The following UNC5C variants were observed in gnomAD, a reference collection of about 807,000 sequenced individuals.
The protein encoded by UNC5C is netrin receptor UNC5C.
In UNC5C, 47 loss-of-function variants were observed where a neutral mutation model predicts 99.8. The ratio of observed to expected loss-of-function variants is 0.47; its 90% CI spans 0.37 to 0.60. The LOEUF is 0.60. Ranked by LOEUF, UNC5C falls within the 20% of genes least tolerant of loss-of-function variation. UNC5C has a pLI of 0.00. For missense variants in UNC5C, 1,062 were observed against 1,165.9 expected, an observed-to-expected ratio of 0.91 and a Z score of 1.30; for synonymous variants, 487 against 452.2, an observed-to-expected ratio of 1.08 and a Z score of -0.98.
At chr4:95,233,497 T>C (rs1231544049) in intron 7 of UNC5C, among the ~76,000 whole-genome samples, 2 of 151,164 alleles carry the variant, frequency 1.3e-5, no homozygotes, top group African/African-American at 4.9e-5. Context: ...TTGATAAATA[T>C]ATATATAAAT....
intron 5 of UNC5C, 104 bp downstream of exon 5, chr4:95,250,383 T>C (rs1739653155): frequency 7.9e-7 from 1 of 1,262,360 alleles, no homozygotes; most frequent in African/African-American, 1.5e-5. Flanking sequence ...AGACCCTGTC[T>C]CAAATAATAT....
intron 1 of UNC5C, among the ~76,000 whole-genome samples, chr4:95,349,626 T>C (rs1743912292): frequency 6.6e-6 from 1 of 151,856 alleles, no homozygotes; most frequent in African/African-American, 2.4e-5. Flanking sequence ...TGCAACCTAT[T>C]ACTTCAGCTT....
At chr4:95,521,224 C>CTTT in intron 1 of UNC5C, among the ~76,000 whole-genome samples, 1 of 27,134 alleles carries the variant, frequency 3.7e-5, no homozygotes, top group Non-Finnish European at 7.1e-5. Context: ...TTTCTTTTTT[C>CTTT]TTTTTTTTTT....
At chr4:95,310,215 T>A (rs1742226841) in intron 2 of UNC5C, among the ~76,000 whole-genome samples, 2 of 152,044 alleles carry the variant, frequency 1.3e-5, no homozygotes. Context: ...ATGATCACAC[T>A]TATATGTGGA....
intron 1 of UNC5C, among the ~76,000 whole-genome samples, chr4:95,390,316 C>T (rs1207882655): frequency 1.3e-5 from 2 of 151,526 alleles, no homozygotes; most frequent in South Asian, 4.2e-4. Flanking sequence ...AGGCACATTC[C>T]CCAGAAGTTC....
chr4:95,176,911 C>A (rs1048692776), intron 14 of UNC5C, among the ~76,000 whole-genome samples: 6 of 152,058 alleles, frequency 3.9e-5, no homozygotes, highest in Non-Finnish European at 8.8e-5. Flanking sequence ...GGGCGTAGGA[C>A]CCTCCGAGCC....
At chr4:95,204,482 G>T (rs779835520) in intron 11 of UNC5C, among the ~76,000 whole-genome samples, 4 of 152,244 alleles carry the variant, frequency 2.6e-5, no homozygotes, top group Non-Finnish European at 5.9e-5. Context: ...CTGGGCTTCG[G>T]CCTACGGTTG....
intron 1 of UNC5C, among the ~76,000 whole-genome samples, chr4:95,459,460 A>G (rs541660237): frequency 1.3e-5 from 2 of 152,122 alleles, no homozygotes; most frequent in Non-Finnish European, 2.9e-5. Flanking sequence ...CAGACCTGCC[A>G]TTGTCTATTT....
chr4:95,242,204 A>G (rs2149378292), intron 7 of UNC5C, among the ~76,000 whole-genome samples: 1 of 152,330 alleles, frequency 6.6e-6, no homozygotes. Flanking sequence ...CTTGCTCATG[A>G]AAAAGCAATA....
At chr4:95,538,701 G>A (rs1428630026) in intron 1 of UNC5C, among the ~76,000 whole-genome samples, 1 of 152,022 alleles carries the variant, frequency 6.6e-6, no homozygotes, top group Non-Finnish European at 1.5e-5. Context: ...GTTCAAAAAT[G>A]CCAAGTGATA....
At chr4:95,284,979 T>C (rs958403597) in intron 3 of UNC5C, among the ~76,000 whole-genome samples, 5 of 152,146 alleles carry the variant, frequency 3.3e-5, no homozygotes, top group Non-Finnish European at 5.9e-5. Flanking sequence ...TCTCCACCTT[T>C]GAGCCCTGCT....
intron 10 of UNC5C, among the ~76,000 whole-genome samples, chr4:95,209,107 G>A (rs753096720): frequency 2.0e-5 from 3 of 152,174 alleles, no homozygotes; most frequent in African/African-American, 7.2e-5. Context: ...TAAGCTCATA[G>A]ATCCTTTTCT....
chr4:95,410,009 T>G (rs1745932883), intron 1 of UNC5C, among the ~76,000 whole-genome samples: 1 of 152,158 alleles, frequency 6.6e-6, no homozygotes, highest in Non-Finnish European at 1.5e-5. Flanking sequence ...TACCCTCTTA[T>G]AGTAGATGAT....
chr4:95,188,491 T>C (rs76703412), intron 12 of UNC5C, among the ~76,000 whole-genome samples: 413 of 152,300 alleles, frequency 2.7e-3, no homozygotes, highest in African/African-American at 8.4e-3. Context: ...TGTCAGATGA[T>C]AGAAGAAGCA....
At chr4:95,432,155 T>C (rs1354183678) in intron 1 of UNC5C, among the ~76,000 whole-genome samples, 1 of 152,100 alleles carries the variant, frequency 6.6e-6, no homozygotes, top group Admixed American at 6.6e-5. Flanking sequence ...TCCTGAACAA[T>C]CTTGGTGTTG....
chr4:95,329,795 T>C (rs1193950606), intron 2 of UNC5C, among the ~76,000 whole-genome samples: 1 of 152,208 alleles, frequency 6.6e-6, no homozygotes, highest in Non-Finnish European at 1.5e-5. Flanking sequence ...TTGCTTTGGA[T>C]ATTCAAATTT....
At chr4:95,348,958 C>T (rs62307080) in intron 1 of UNC5C, among the ~76,000 whole-genome samples, 54,209 of 137,140 alleles carry the variant, frequency 0.4, 12,290 homozygotes, top group East Asian at 0.83. Flanking sequence ...ATGATGGTTA[C>T]CAGAAGCTGG....
intron 1 of UNC5C, among the ~76,000 whole-genome samples, chr4:95,530,074 T>G (rs966534150): frequency 2.6e-5 from 4 of 152,200 alleles, no homozygotes; most frequent in Non-Finnish European, 5.9e-5. Flanking sequence ...GACTTAAGTT[T>G]ATTTTTATTT....
At chr4:95,260,849 A>G (rs1740194428) in intron 4 of UNC5C, among the ~76,000 whole-genome samples, 3 of 151,984 alleles carry the variant, frequency 2.0e-5, no homozygotes, top group Admixed American at 1.3e-4. Flanking sequence ...AAAGGAGAAA[A>G]ACAAGAAGCT....
Sources: gnomAD v4.1 joint callset for allele counts (sites outside exome capture counted in the v4.1 genomes callset) on GRCh38, gnomAD v4.1.1 for gene constraint, MANE v1.5 for transcripts, NCBI Gene and HGNC (gene_info 2026-07-23, HGNC 2026-07-21) for gene names.